Variants in MEF2A observed in about 807,000 individuals in gnomAD.
The protein encoded by MEF2A is myocyte enhancer factor 2A, also known as myocyte-specific enhancer factor 2A.
MEF2A carries 28 observed loss-of-function variants against 55.8 expected under a neutral mutation model. That is an observed-to-expected ratio of 0.50 (90% confidence interval 0.37 to 0.69). MEF2A has a LOEUF of 0.69. Ranked by LOEUF, MEF2A falls within the 30% of genes least tolerant of loss-of-function variation. The pLI is 0.00. For missense variants in MEF2A, 528 were observed against 626.2 expected (o/e 0.84, Z 1.67); for synonymous variants, 239 against 227.1 (o/e 1.05, Z -0.47).
At chr15:99,660,690 C>G (rs1317233109) in intron 4 of MEF2A, among the ~76,000 whole-genome samples, 1 of 152,124 alleles carries the variant, frequency 6.6e-6, no homozygotes, top group African/African-American at 2.4e-5. Context: ...ATTAAAGCAT[C>G]TAGCATTACT....
chr15:99,699,294 C>G (rs558008231), intron 8 of MEF2A, among the ~76,000 whole-genome samples: 16 of 152,274 alleles, frequency 1.1e-4, no homozygotes, highest in African/African-American at 3.4e-4. Flanking sequence ...CAGATGAATC[C>G]TAAGTGAATT....
At chr15:99,665,731 C>CAAAAAAAAAAAAAAAAAAAAAAATAA (rs2049511657) in intron 4 of MEF2A, among the ~76,000 whole-genome samples, 2 of 20,248 alleles carry the variant, frequency 9.9e-5, no homozygotes, top group East Asian at 1.1e-3. Flanking sequence ...CTTAAATTTA[C>CAAAAAAAAAAAAAAAAAAAAAAATAA]AAAAAAAAAA....
At chr15:99,709,559 C>T (rs946654777) in intron 10 of MEF2A, among the ~76,000 whole-genome samples, 4 of 152,182 alleles carry the variant, frequency 2.6e-5, no homozygotes, top group African/African-American at 9.7e-5. Context: ...CCAGCTGTGT[C>T]GCTTCAACTC....
Position 99,568,741 on chromosome 15 carries a change from G to A in MEF2A, c.-225+2637G>A, listed in dbSNP as rs140227231. Among the ~76,000 whole-genome samples the A allele has an allele frequency of 3.5e-3, 536 of 152,288 alleles. 2 individuals carry two copies. Among genetic ancestry groups the A allele is most frequent in the Admixed American group, 6.6e-3 (101 of 15,302 alleles). ...CTGCTTTTAGTCTGGCAAGAAGAATGTAGTGTAATATACGATGATGATGGG... is the reference window on the plus strand; with the variant it reads ...CTGCTTTTAGTCTGGCAAGAAGAATATAGTGTAATATACGATGATGATGGG... On this transcript the variant is annotated intron_variant, in intron 1 of 11. Coordinates refer to ENST00000557942, the MANE Select transcript of MEF2A (RefSeq NM_001319206.4).
intron 2 of MEF2A, among the ~76,000 whole-genome samples, chr15:99,612,424 A>T (rs910880887): frequency 6.6e-6 from 1 of 152,146 alleles, no homozygotes; most frequent in African/African-American, 2.4e-5. Context: ...TCAAAAAAAC[A>T]AACAAAACAC....
chr15:99,675,680 C>T (rs28530556), intron 7 of MEF2A, among the ~76,000 whole-genome samples: 4 of 152,318 alleles, frequency 2.6e-5, no homozygotes, highest in African/African-American at 7.2e-5. Flanking sequence ...GAAATGTTTT[C>T]AGAGAGACTA....
intron 1 of MEF2A, among the ~76,000 whole-genome samples, chr15:99,597,098 A>G (rs1236544194): frequency 6.6e-6 from 1 of 152,214 alleles, no homozygotes; most frequent in African/African-American, 2.4e-5. Context: ...TGAAAAAAAG[A>G]ACAGGATAAC....
chr15:99,642,266 A>G (rs2045152036), intron 3 of MEF2A, among the ~76,000 whole-genome samples: 1 of 152,118 alleles, frequency 6.6e-6, no homozygotes, highest in Admixed American at 6.5e-5. Flanking sequence ...CTTGGTGTAC[A>G]TGGTATTCTT....
At chr15:99,708,502 A>G (rs1025060935) in intron 10 of MEF2A, among the ~76,000 whole-genome samples, 14 of 152,252 alleles carry the variant, frequency 9.2e-5, no homozygotes, top group African/African-American at 2.9e-4. Context: ...GGCTCTCAAA[A>G]TCATCAGTCG....
chr15:99,574,007 G>T (rs1963421620), intron 1 of MEF2A, among the ~76,000 whole-genome samples: 1 of 152,070 alleles, frequency 6.6e-6, no homozygotes, highest in Non-Finnish European at 1.5e-5. Flanking sequence ...TTCAGAAATG[G>T]CTTAATTTCC....
chr15:99,671,377 T>A lies in MEF2A; in HGVS notation c.313T>A (p.Phe105Ile). 6.2e-7 allele frequency: 1 copy of A among 1,613,952 alleles called. No individual in the cohort carries two copies. Among genetic ancestry groups the A allele is most frequent in the Non-Finnish European group, 8.5e-7 (1 of 1,179,828 alleles). ...GCESPDADDY[F>I]EHSPLSEDRF... Reference sequence around the variant, plus strand: ...TGAGAGCCCTGATGCTGACGATTACTTTGAGCACAGTCCACTCTCGGAGGA... The same window carrying A: ...TGAGAGCCCTGATGCTGACGATTACATTGAGCACAGTCCACTCTCGGAGGA... The change falls in exon 5 of 12, where the codon TTT (phenylalanine) becomes ATT (isoleucine). Residue 105 changes from phenylalanine (F) to isoleucine (I), a missense_variant. Physicochemically the swap from Phe to Ile is conservative, Grantham distance 21 (BLOSUM62 0). Coordinates refer to ENST00000557942, the MANE Select transcript of MEF2A (RefSeq NM_001319206.4).
In MEF2A at chr15:99,680,215, T is replaced by G. The variant is rs75740448; in HGVS notation, c.670+4757T>G. 7.2e-3 allele frequency among the ~76,000 whole-genome samples: 1,089 copies of G among 152,248 alleles called. 12 individuals carry two copies. The highest frequency in any genetic ancestry group is 0.023 in the African/African-American group (972 of 41,540). ...AGCAAGATAAAATCCAAGCAACAGATAGGGGAATGTTTAGTAATGGGCATT... is the reference window on the plus strand; with the variant it reads ...AGCAAGATAAAATCCAAGCAACAGAGAGGGGAATGTTTAGTAATGGGCATT... On this transcript the variant is annotated intron_variant, in intron 7 of 11. Transcript: ENST00000557942.
rs1201892995 is a variant in MEF2A at position 99,645,707 on chromosome 15, C to G, written c.201C>G (p.Leu67=). 6.2e-7 allele frequency: 1 copy of G among 1,613,062 alleles called. No individual in the cohort carries two copies. The highest frequency in any genetic ancestry group is 1.3e-5 in the African/African-American group (1 of 74,868). ...GCACTGATATGGACAAAGTTCTTCT[C>G]AAGTATACAGAATATAATGAACCTC... is the stretch of plus-strand genomic sequence containing the variant. ...YASTDMDKVL[L]KYTEYNEPHE... Residue 67 remains leucine, a synonymous_variant, in exon 4 of 12, where the codon CTC becomes CTG. Transcript: ENST00000557942.
chr15:99,639,562 C>T (rs1364095096), intron 3 of MEF2A, among the ~76,000 whole-genome samples: 1 of 152,164 alleles, frequency 6.6e-6, no homozygotes, highest in African/African-American at 2.4e-5. Context: ...TCTCATTATA[C>T]ATGGGTAAAA....
At chr15:99,646,792 G>A (rs895310293) in intron 4 of MEF2A, among the ~76,000 whole-genome samples, 1 of 151,998 alleles carries the variant, frequency 6.6e-6, no homozygotes, top group African/African-American at 2.4e-5. Flanking sequence ...TGCCTTAACT[G>A]TCCCTCTTCA....
intron 1 of MEF2A, among the ~76,000 whole-genome samples, chr15:99,576,333 G>A (rs1367569046): frequency 2.0e-5 from 3 of 152,186 alleles, no homozygotes; most frequent in Admixed American, 6.5e-5. Context: ...ATTCTACAGT[G>A]GTTGGGTCTT....
intron 8 of MEF2A, among the ~76,000 whole-genome samples, chr15:99,695,541 TTGTG>T (rs3979129): frequency 2.0e-4 from 29 of 144,874 alleles, no homozygotes; most frequent in Non-Finnish European, 2.7e-4. Flanking sequence ...ATTGTCAGAT[TTGTG>T]TGTGTGTGTG....
At chr15:99,579,152 C>T (rs1008985565) in intron 1 of MEF2A, among the ~76,000 whole-genome samples, 2 of 152,100 alleles carry the variant, frequency 1.3e-5, no homozygotes, top group Non-Finnish European at 2.9e-5. Context: ...CATTTCTTGT[C>T]TGAATTTAGC....
intron 1 of MEF2A, among the ~76,000 whole-genome samples, chr15:99,593,675 T>C (rs575837294): frequency 2.6e-5 from 4 of 152,306 alleles, no homozygotes; most frequent in African/African-American, 7.2e-5. Context: ...AAGCATCCAG[T>C]GAAATTTTGA....
Sources: allele counts gnomAD v4.1 joint callset (sites outside exome capture counted in the v4.1 genomes callset), GRCh38; gene constraint gnomAD v4.1.1; transcripts MANE v1.5; gene names NCBI Gene and HGNC (gene_info 2026-07-23, HGNC 2026-07-21).